The following PELI2 variants were observed in gnomAD, a reference collection of about 807,000 sequenced individuals.
The protein encoded by PELI2 is E3 ubiquitin-protein ligase pellino homolog 2.
Under a neutral mutation model 42.3 loss-of-function variants are expected in PELI2, and 23 were observed. The ratio of observed to expected loss-of-function variants is 0.54; its 90% confidence interval spans 0.39 to 0.77. The LOEUF is 0.77. Ranked by LOEUF, PELI2 falls within the 30% of genes least tolerant of loss-of-function variation. The pLI is 0.00. For missense variants in PELI2, 463 were observed against 553.2 expected (o/e 0.84, Z 1.64); for synonymous variants, 245 against 212.2 (o/e 1.15, Z -1.34).
intron 1 of PELI2, among the ~76,000 whole-genome samples, chr14:56,155,876 G>A (rs939249207): frequency 6.6e-6 from 1 of 152,136 alleles, no homozygotes; most frequent in Admixed American, 6.5e-5. Flanking sequence ...GAGCCACTGT[G>A]CCTGGCTTCA....
intron 2 of PELI2, among the ~76,000 whole-genome samples, chr14:56,214,145 G>T (rs998074142): frequency 6.6e-6 from 1 of 152,138 alleles, no homozygotes; most frequent in Non-Finnish European, 1.5e-5. Context: ...GAGCCACTGC[G>T]CCTGGCCACA....
chr14:56,288,567 G>C lies in PELI2; in HGVS notation c.440G>C (p.Arg147Thr). The C allele has an allele frequency of 6.2e-7, 1 of 1,614,034 alleles. No individual in the cohort carries two copies. The highest frequency in any genetic ancestry group is 2.2e-5 in the East Asian group (1 of 44,842). Reference sequence around the variant, plus strand: ...TTCGCCTGCAGGATCGTGTGCGACAGGAATGAACCTTACACAGCACGGATA... The same window carrying C: ...TTCGCCTGCAGGATCGTGTGCGACACGAATGAACCTTACACAGCACGGATA... ...SRFACRIVCD[R>T]NEPYTARIFA... is the part of the protein sequence containing the mutation. The change falls in exon 4 of 6, where the codon AGG becomes ACG. Residue 147 changes from arginine to threonine, a missense_variant. Arg to Thr is a moderately conservative substitution (Grantham distance 71). Around this residue, in one of 3 missense-constraint regions of PELI2, gnomAD observed 343 missense variants for 378.4 expected, o/e 0.91. Coordinates refer to ENST00000267460, the MANE Select transcript of PELI2 (RefSeq NM_021255.3). This position sits in a 1 kb window ranked among gnomAD's most constrained non-coding sequence, Gnocchi z 4.6.
intron 2 of PELI2, among the ~76,000 whole-genome samples, chr14:56,206,569 T>C (rs918419315): frequency 6.6e-6 from 1 of 152,348 alleles, no homozygotes. Context: ...CCACTTTGTT[T>C]TTCTAATGGT....
intron 2 of PELI2, among the ~76,000 whole-genome samples, chr14:56,272,520 ATTTTCT>A (rs1889142741): frequency 6.6e-6 from 1 of 152,130 alleles, no homozygotes; most frequent in Non-Finnish European, 1.5e-5. Flanking sequence ...ATACATGGTG[ATTTTCT>A]TCTTCTGCCT....
chr14:56,134,277 A>G (rs756398363), intron 1 of PELI2, among the ~76,000 whole-genome samples: 6 of 152,232 alleles, frequency 3.9e-5, no homozygotes, highest in Non-Finnish European at 8.8e-5. Flanking sequence ...GATCTTTCTT[A>G]GTATGTAGTA....
At chr14:56,283,811 A>C (rs1023264654) in intron 3 of PELI2, among the ~76,000 whole-genome samples, 1 of 152,198 alleles carries the variant, frequency 6.6e-6, no homozygotes, top group Non-Finnish European at 1.5e-5. Flanking sequence ...AACACATTAC[A>C]TTCACAGACT....
At chr14:56,240,054 C>G (rs1464553479) in intron 2 of PELI2, among the ~76,000 whole-genome samples, 1 of 152,022 alleles carries the variant, frequency 6.6e-6, no homozygotes, top group Non-Finnish European at 1.5e-5. Context: ...ACTTCCAGTC[C>G]CTTATTCATT....
intron 2 of PELI2, among the ~76,000 whole-genome samples, chr14:56,213,591 T>G (rs928442214): frequency 6.6e-6 from 1 of 152,156 alleles, no homozygotes; most frequent in African/African-American, 2.4e-5. Context: ...GACAGTTTCA[T>G]TGTAAAGAGA....
intron 2 of PELI2, among the ~76,000 whole-genome samples, chr14:56,198,060 AGG>A (rs1886203638): frequency 6.6e-6 from 1 of 151,844 alleles, no homozygotes; most frequent in Non-Finnish European, 1.5e-5. Context: ...TAATACAACT[AGG>A]ATGGTGGGAG....
intron 2 of PELI2, among the ~76,000 whole-genome samples, chr14:56,181,656 T>C (rs142030384): frequency 7.9e-4 from 120 of 152,302 alleles, no homozygotes; most frequent in African/African-American, 2.8e-3. Flanking sequence ...GATATCCCTT[T>C]GCTGGTGGTC....
intron 2 of PELI2, among the ~76,000 whole-genome samples, chr14:56,243,237 A>C (rs1888038793): frequency 6.6e-6 from 1 of 152,184 alleles, no homozygotes; most frequent in South Asian, 2.1e-4. Context: ...TTCCCCCTTG[A>C]TATAAGATGC....
At chr14:56,160,511 C>T (rs1397017416) in intron 1 of PELI2, among the ~76,000 whole-genome samples, 1 of 152,070 alleles carries the variant, frequency 6.6e-6, no homozygotes, top group African/African-American at 2.4e-5. Flanking sequence ...TACTGTGTTT[C>T]TGATATTAAG....
At chr14:56,118,818 T>TC in intron 1 of PELI2, 81 bp downstream of exon 1, 1 of 963,296 alleles carries the variant, frequency 1.0e-6, no homozygotes, top group Non-Finnish European at 1.5e-6. Flanking sequence ...GCGGGGTGGC[T>TC]CGGTGCTCTT....
intron 2 of PELI2, among the ~76,000 whole-genome samples, chr14:56,196,454 G>T (rs185606797): frequency 2.5e-3 from 385 of 152,260 alleles, no homozygotes; most frequent in Non-Finnish European, 3.9e-3. Flanking sequence ...CTTTGCTTTG[G>T]AAAATGTGTA....
chr14:56,192,052 G>A (rs541266226), intron 2 of PELI2, among the ~76,000 whole-genome samples: 2 of 152,182 alleles, frequency 1.3e-5, no homozygotes, highest in Admixed American at 6.5e-5. Context: ...ACCGGGTTTC[G>A]CCATGTTGGC....
At chr14:56,283,648 T>C (rs1889554654) in intron 3 of PELI2, among the ~76,000 whole-genome samples, 1 of 152,174 alleles carries the variant, frequency 6.6e-6, no homozygotes, top group Non-Finnish European at 1.5e-5. Flanking sequence ...AAAGGAAAAG[T>C]AATGTAAACT....
At chr14:56,121,663 T>C (rs1309273216) in intron 1 of PELI2, among the ~76,000 whole-genome samples, 1 of 152,220 alleles carries the variant, frequency 6.6e-6, no homozygotes, top group Non-Finnish European at 1.5e-5. Flanking sequence ...AACATGCATT[T>C]ACAGGTGGGT....
At chr14:56,252,736 G>A (rs1454260283) in intron 2 of PELI2, among the ~76,000 whole-genome samples, 1 of 152,116 alleles carries the variant, frequency 6.6e-6, no homozygotes, top group Non-Finnish European at 1.5e-5. Context: ...ACCAAAAAAA[G>A]CCCAGGACCA....
chr14:56,150,492 A>C (rs764018827), intron 1 of PELI2, among the ~76,000 whole-genome samples: 1 of 152,096 alleles, frequency 6.6e-6, no homozygotes, highest in African/African-American at 2.4e-5. Flanking sequence ...AGGCTAGCCT[A>C]TATCTGACAC....
Sources: gnomAD v4.1 joint callset for allele counts (sites outside exome capture counted in the v4.1 genomes callset) on GRCh38, gnomAD v4.1.1 for gene constraint, gnomAD v4.1.1 regional missense constraint, Gnocchi (gnomAD v3.1) non-coding constraint, MANE v1.5 for transcripts, NCBI Gene and HGNC (gene_info 2026-07-23, HGNC 2026-07-21) for gene names.